The following TTC7A variants were observed in gnomAD, a reference collection of about 807,000 sequenced individuals.
The protein encoded by TTC7A is tetratricopeptide repeat protein 7A.
TTC7A carries 110 observed loss-of-function variants against 103.7 expected under a neutral mutation model. The observed-to-expected ratio is 1.06, with a 90% CI of 0.91 to 1.24. TTC7A has a LOEUF of 1.24. Among genes scored for constraint, TTC7A ranks in the 50% most tolerant of loss-of-function variants. The probability of loss-of-function intolerance (pLI) is 0.00; values close to 1 mark genes in which losing one functional copy is unlikely to be tolerated. For synonymous variants in TTC7A, 521 were observed against 467.9 expected, an observed-to-expected ratio of 1.11 and a Z score of -1.47; for missense variants, 1,340 against 1,116.3, an observed-to-expected ratio of 1.20 and a Z score of -2.86.
chr2:47,068,956 C>T (rs1684427367), intron 19 of TTC7A, among the ~76,000 whole-genome samples: 1 of 151,868 alleles, frequency 6.6e-6, no homozygotes, highest in Non-Finnish European at 1.5e-5. Context: ...GCCCCCTCCC[C>T]AAACTGTCCT....
intron 8 of TTC7A, among the ~76,000 whole-genome samples, chr2:47,001,584 C>T (rs112001467): frequency 0.083 from 12,586 of 152,140 alleles, 634 homozygotes; most frequent in Admixed American, 0.11. Flanking sequence ...AGGCCGGGAG[C>T]GGTGGCTCAC....
chr2:46,966,904 T>TG (rs1672905631), intron 3 of TTC7A, among the ~76,000 whole-genome samples: 1 of 151,380 alleles, frequency 6.6e-6, no homozygotes, highest in South Asian at 2.1e-4. Context: ...TTTTTTGTTT[T>TG]TTTTTTTTCC....
At chr2:46,956,533 A>C (rs1304832730) in intron 2 of TTC7A, 1 of 336,318 alleles carries the variant, frequency 3.0e-6, no homozygotes, top group Non-Finnish European at 5.6e-6. Flanking sequence ...CTTTGGGGGG[A>C]TTCAGGAGAG....
At chr2:47,047,608 C>G (rs559728415) in intron 16 of TTC7A, among the ~76,000 whole-genome samples, 1 of 152,362 alleles carries the variant, frequency 6.6e-6, no homozygotes, top group South Asian at 2.1e-4. Context: ...TGGCTCCCTT[C>G]CTGCAAGGGG....
intron 19 of TTC7A, 64 bp from the exon 20 acceptor site, chr2:47,073,638 C>G (rs1238437764): frequency 3.1e-5 from 45 of 1,452,662 alleles, no homozygotes; most frequent in Non-Finnish European, 4.1e-5. Flanking sequence ...GTGCTTGGCC[C>G]AGTTGCCAAG....
At chr2:47,036,071 C>A (rs531265926) in intron 15 of TTC7A, among the ~76,000 whole-genome samples, 8 of 152,342 alleles carry the variant, frequency 5.3e-5, no homozygotes, top group African/African-American at 1.9e-4. Flanking sequence ...TTAAGTCTTT[C>A]AAGATCAGGA....
At chr2:47,014,758 G>A (rs1678459340) in intron 11 of TTC7A, among the ~76,000 whole-genome samples, 3 of 152,250 alleles carry the variant, frequency 2.0e-5, no homozygotes, top group Admixed American at 2.0e-4. Context: ...AGAAATCTGG[G>A]GGTGGTCAAT....
chr2:47,051,879 T>C lies in TTC7A; in HGVS notation c.2151T>C (p.Ala717=). The C allele has an allele frequency of 6.2e-7, 1 of 1,608,024 alleles. No homozygotes were observed. Among genetic ancestry groups the C allele is most frequent in the Non-Finnish European group, 8.5e-7 (1 of 1,177,628 alleles). Residue 717 remains alanine (A), a splice_region_variant and synonymous_variant, in exon 18 of 20, where the codon GCT becomes GCC. Transcript: ENST00000319190. ...CGCTGGAACAGATCTGGCTGCAGGC[T>C]GGTGAGTGCCCTGGTCCCAGTGACA... ...WTTLEQIWLQ[A]AELFMEQQHL...
chr2:46,944,789 C>T (rs568373083), intron 1 of TTC7A, among the ~76,000 whole-genome samples: 11 of 152,304 alleles, frequency 7.2e-5, no homozygotes, highest in Non-Finnish European at 1.6e-4. Context: ...TATTCTCCTA[C>T]CTCGGCCTCC....
chr2:47,048,734 C>T (rs113203069), intron 16 of TTC7A, among the ~76,000 whole-genome samples: 7 of 152,190 alleles, frequency 4.6e-5, no homozygotes, highest in African/African-American at 1.4e-4. Flanking sequence ...TCCCAAATAG[C>T]TGGGACTGCA....
intron 8 of TTC7A, among the ~76,000 whole-genome samples, chr2:47,004,908 A>G (rs564995866): frequency 3.9e-5 from 6 of 152,148 alleles, no homozygotes; most frequent in African/African-American, 1.2e-4. Context: ...CCCAGGGTAT[A>G]GAGGTGGGCA....
In TTC7A at chr2:47,051,743, C is replaced by G; in HGVS notation, c.2018-3C>G. 6.2e-7 allele frequency: 1 copy of G among 1,608,398 alleles called. No individual in the cohort carries two copies. The highest frequency in any genetic ancestry group is 8.5e-7 in the Non-Finnish European group (1 of 1,177,982). The stretch of plus-strand genomic sequence containing the variant: ...GCTCGGCTCGTGCCCTCTTGCTCTG[C>G]AGGCTCCCGGCGGGCTTCGTCCATC... On this transcript the variant is annotated splice_polypyrimidine_tract_variant and splice_region_variant and intron_variant, in intron 17 of 19. Coordinates refer to ENST00000319190, the MANE Select transcript of TTC7A (RefSeq NM_020458.4).
intron 19 of TTC7A, among the ~76,000 whole-genome samples, chr2:47,070,247 CA>C (rs2103628042): frequency 6.6e-6 from 1 of 152,394 alleles, no homozygotes; most frequent in East Asian, 1.9e-4. Flanking sequence ...TGTGCCTCTG[CA>C]GATGACCTGG....
At chr2:46,937,720 G>A (rs1670050759), upstream of TTC7A, among the ~76,000 whole-genome samples, 2 of 152,180 alleles carry the variant, frequency 1.3e-5, no homozygotes. This position sits in a 1 kb window ranked among gnomAD's most constrained non-coding sequence, Gnocchi z 4.0. Flanking sequence ...TTATAGGCAC[G>A]AGCTGCCATG....
At chr2:46,992,158 CG>C (rs1369969141) in intron 5 of TTC7A, among the ~76,000 whole-genome samples, 1 of 152,206 alleles carries the variant, frequency 6.6e-6, no homozygotes, top group Non-Finnish European at 1.5e-5. Flanking sequence ...TGGTGTGATC[CG>C]GGGAACCCCC....
chr2:46,999,591 C>T (rs1377646835), intron 8 of TTC7A: 1 of 985,318 alleles, frequency 1.0e-6, no homozygotes, highest in African/African-American at 1.7e-5. Flanking sequence ...AGTTTGTACC[C>T]AGGGATGTGG....
intron 5 of TTC7A, among the ~76,000 whole-genome samples, chr2:46,990,580 G>C (rs1387750868): frequency 1.3e-5 from 2 of 152,220 alleles, no homozygotes; most frequent in Non-Finnish European, 2.9e-5. Context: ...ATTAGAAGGA[G>C]AAAGGAAGAG....
chr2:47,066,397 C>T (rs1323323259), intron 19 of TTC7A, among the ~76,000 whole-genome samples: 1 of 152,158 alleles, frequency 6.6e-6, no homozygotes, highest in Non-Finnish European at 1.5e-5. Flanking sequence ...AAGGCGGGAC[C>T]TGAGTCACTG....
intron 3 of TTC7A, among the ~76,000 whole-genome samples, chr2:46,962,697 G>A (rs889528613): frequency 6.6e-6 from 1 of 152,226 alleles, no homozygotes; most frequent in East Asian, 1.9e-4. Flanking sequence ...CGGCCATATG[G>A]CTGTCTCTAG....
Sources: allele counts gnomAD v4.1 joint callset (sites outside exome capture counted in the v4.1 genomes callset), GRCh38; gene constraint gnomAD v4.1.1; non-coding constraint Gnocchi (gnomAD v3.1); transcripts MANE v1.5; gene names NCBI Gene and HGNC (gene_info 2026-07-23, HGNC 2026-07-21).